Variants in HEMK2 observed in about 807,000 individuals in gnomAD.
HEMK2 encodes methyltransferase HEMK2.
At chr21:28,857,209 T>A in the HEMK2 span, among the ~76,000 whole-genome samples, 1 of 152,218 alleles carries the variant, frequency 6.6e-6, no homozygotes, top group Non-Finnish European at 1.5e-5. Flanking sequence ...AAACTTTGTA[T>A]AAAGTTCTTT....
chr21:28,833,562 AC>A, the HEMK2 span, among the ~76,000 whole-genome samples: 1 of 152,236 alleles, frequency 6.6e-6, no homozygotes, highest in Admixed American at 6.5e-5. Context: ...TTTCAACTAA[AC>A]AAACATAAAT....
At chr21:28,849,578 G>A in the HEMK2 span, among the ~76,000 whole-genome samples, 6 of 152,182 alleles carry the variant, frequency 3.9e-5, no homozygotes, top group South Asian at 2.1e-4. Context: ...AAAGATCATC[G>A]ACATCCAAGA....
At chr21:28,851,228 C>T in the HEMK2 span, among the ~76,000 whole-genome samples, 9 of 152,294 alleles carry the variant, frequency 5.9e-5, no homozygotes, top group African/African-American at 1.9e-4. Flanking sequence ...CTGTGTTTCA[C>T]CTACAGGGGC....
the HEMK2 span, among the ~76,000 whole-genome samples, chr21:28,586,498 C>T: frequency 6.6e-6 from 1 of 152,068 alleles, no homozygotes; most frequent in Non-Finnish European, 1.5e-5. Context: ...TCTCAAAACC[C>T]CCATGGTAAC....
the HEMK2 span, among the ~76,000 whole-genome samples, chr21:28,626,868 C>T: frequency 6.6e-6 from 1 of 151,910 alleles, no homozygotes; most frequent in Non-Finnish European, 1.5e-5. Context: ...TTATATGACC[C>T]AACAATTCTG....
chr21:28,880,775 T>C, the HEMK2 span, among the ~76,000 whole-genome samples: 1 of 145,072 alleles, frequency 6.9e-6, no homozygotes, highest in Non-Finnish European at 1.5e-5. Flanking sequence ...ATTTTTTAAA[T>C]AAAAAAAAAA....
the HEMK2 span, among the ~76,000 whole-genome samples, chr21:28,838,984 TATATATATATATATATAC>T: frequency 2.1e-4 from 13 of 61,540 alleles, no homozygotes; most frequent in African/African-American, 5.5e-4. Context: ...TATATATATA[TATATATATATATATATAC>T]ATATATATAC....
chr21:28,811,249 G>GGAAAGAAA, the HEMK2 span, among the ~76,000 whole-genome samples: 1,233 of 132,994 alleles, frequency 9.3e-3, 27 homozygotes, highest in African/African-American at 0.034. Flanking sequence ...CAGAGAAAGA[G>GGAAAGAAA]GAAAGAAAGA....
chr21:28,735,229 G>A, the HEMK2 span, among the ~76,000 whole-genome samples: 1 of 152,198 alleles, frequency 6.6e-6, no homozygotes. Flanking sequence ...TCATAGTTCT[G>A]TAACTCAGAA....
the HEMK2 span, among the ~76,000 whole-genome samples, chr21:28,702,577 A>G: frequency 1.2e-4 from 19 of 152,326 alleles, no homozygotes; most frequent in African/African-American, 3.6e-4. Flanking sequence ...GTCTCTAATC[A>G]TTAGAGAAAT....
At chr21:28,659,917 T>C in the HEMK2 span, among the ~76,000 whole-genome samples, 19 of 152,210 alleles carry the variant, frequency 1.2e-4, no homozygotes, top group African/African-American at 3.8e-4. Context: ...TGAACCTAAA[T>C]CAATTTGGGG....
chr21:28,670,041 G>A, the HEMK2 span, among the ~76,000 whole-genome samples: 6 of 152,064 alleles, frequency 3.9e-5, no homozygotes, highest in Admixed American at 2.0e-4. Context: ...GAATGTAGAA[G>A]AGTGAAATAA....
chr21:28,755,693 C>A, the HEMK2 span, among the ~76,000 whole-genome samples: 2 of 145,508 alleles, frequency 1.4e-5, no homozygotes, highest in Non-Finnish European at 3.0e-5. Flanking sequence ...TACTGCATAG[C>A]CATTCAACAA....
chr21:28,852,397 C>T, the HEMK2 span, among the ~76,000 whole-genome samples: 2,116 of 152,250 alleles, frequency 0.014, 71 homozygotes, highest in African/African-American at 0.049. Context: ...TGGGCTAAAA[C>T]TTCATTAATT....
At chr21:28,609,581 A>AC in the HEMK2 span, among the ~76,000 whole-genome samples, 2 of 150,878 alleles carry the variant, frequency 1.3e-5, no homozygotes, top group African/African-American at 2.5e-5. Flanking sequence ...AAAAAAAAAA[A>AC]AACAACAGAA....
chr21:28,662,392 G>A, the HEMK2 span, among the ~76,000 whole-genome samples: 1 of 152,090 alleles, frequency 6.6e-6, no homozygotes, highest in Non-Finnish European at 1.5e-5. Context: ...CCCCTCCGCT[G>A]GCTGAGTCTA....
the HEMK2 span, among the ~76,000 whole-genome samples, chr21:28,778,650 T>A: frequency 6.6e-6 from 1 of 152,182 alleles, no homozygotes; most frequent in African/African-American, 2.4e-5. Flanking sequence ...TCACTGTAGT[T>A]TCTAGTTGCA....
chr21:28,849,437 G>C, the HEMK2 span, among the ~76,000 whole-genome samples: 1 of 152,136 alleles, frequency 6.6e-6, no homozygotes, highest in Non-Finnish European at 1.5e-5. Context: ...AAGAACCAGA[G>C]CAAGAACTCA....
the HEMK2 span, among the ~76,000 whole-genome samples, chr21:28,729,930 T>C: frequency 6.6e-6 from 1 of 152,140 alleles, no homozygotes; most frequent in Non-Finnish European, 1.5e-5. Context: ...CAAACTGTCA[T>C]CTTTACGACC....
Sources: allele counts gnomAD v4.1 joint callset (sites outside exome capture counted in the v4.1 genomes callset), GRCh38; gene constraint gnomAD v4.1.1; transcripts MANE v1.5; gene names NCBI Gene and HGNC (gene_info 2026-07-23, HGNC 2026-07-21).